CFAP46: variants seen among roughly 807,000 people sequenced by gnomAD.
CFAP46 encodes the protein cilia and flagella associated protein 46, also known as cilia- and flagella-associated protein 46.
Under a neutral mutation model 325.7 loss-of-function variants are expected in CFAP46, and 245 were observed. The observed-to-expected ratio is 0.75, with a 90% CI of 0.68 to 0.84. CFAP46 has a LOEUF of 0.84. Among genes scored for constraint, CFAP46 ranks in the 40% least tolerant of loss-of-function variants. The pLI, the probability that CFAP46 is intolerant of heterozygous loss-of-function variation, is 0.00. For synonymous variants in CFAP46, 1,523 were observed against 1,495.9 expected, an observed-to-expected ratio of 1.02 and a Z score of -0.42; for missense variants, 3,346 against 3,543.0, an observed-to-expected ratio of 0.94 and a Z score of 1.41.
At chr10:132,810,905 T>G in intron 56 of CFAP46, 45 bp downstream of exon 56, 1 of 1,531,858 alleles carries the variant, frequency 6.5e-7, no homozygotes, top group South Asian at 1.2e-5. Context: ...GTCTGACCTC[T>G]CCATCCTCAG....
At chr10:132,929,510 G>A (rs1849859159) in intron 9 of CFAP46, 195 bp downstream of exon 9, 1 of 782,046 alleles carries the variant, frequency 1.3e-6, no homozygotes. Flanking sequence ...AGAGAAACGG[G>A]CAGGTGTAAA....
In CFAP46 at chr10:132,877,982, T is replaced by C; in HGVS notation, c.4111A>G (p.Lys1371Glu). ...PKKEKENERS[K>E]EKEKERSKEK... is the part of the protein sequence containing the mutation. The stretch of plus-strand genomic sequence containing the variant: ...TTACTCCTCTCCTTCTCCTTCTCTT[T>C]ACTCCTCTCATTCTCCTTCTCTTTT... The change falls in exon 30 of 58, where the codon AAA becomes GAA. Residue 1371 changes from lysine (K) to glutamate (E), a missense_variant. Physicochemically the swap from Lys to Glu is moderately conservative, Grantham distance 56. Transcript: ENST00000368586. The surrounding 1 kb of genome is among the most constrained non-coding windows in gnomAD (Gnocchi z 5.7). The C allele has an allele frequency of 6.4e-7, 1 of 1,550,654 alleles. No homozygotes were observed. Among genetic ancestry groups the C allele is most frequent in the Non-Finnish European group, 8.7e-7 (1 of 1,147,010 alleles).
intron 29 of CFAP46, among the ~76,000 whole-genome samples, 170 bp from the exon 30 acceptor site, chr10:132,878,257 C>T (rs1453009487): frequency 1.3e-5 from 2 of 152,210 alleles, no homozygotes; most frequent in East Asian, 1.9e-4. Flanking sequence ...CCCTAGAGCA[C>T]GGAGCTGGGC....
intron 50 of CFAP46, among the ~76,000 whole-genome samples, chr10:132,823,767 C>T (rs568042359): frequency 0.01 from 522 of 50,696 alleles, no homozygotes; most frequent in African/African-American, 0.059. Context: ...TGTGTGTGTG[C>T]TGTGTGCTGT....
At chr10:132,880,795 C>T (rs923004894) in intron 28 of CFAP46, 66 bp downstream of exon 28, 16 of 1,504,028 alleles carry the variant, frequency 1.1e-5, no homozygotes, top group East Asian at 7.4e-5. Context: ...GTCCAGATCA[C>T]GGAGCAGGAA....
At chr10:132,856,484 T>C in intron 39 of CFAP46, among the ~76,000 whole-genome samples, 1 of 152,360 alleles carries the variant, frequency 6.6e-6, no homozygotes, top group East Asian at 1.9e-4. Context: ...CACTTAAAAC[T>C]GTGTGACTTT....
At chr10:132,882,853 T>C (rs995903045) in intron 27 of CFAP46, among the ~76,000 whole-genome samples, 2 of 152,062 alleles carry the variant, frequency 1.3e-5, no homozygotes, top group South Asian at 4.2e-4. Flanking sequence ...CCACAAAAGC[T>C]GTGTACGCGG....
chr10:132,850,981 G>A, intron 40 of CFAP46, 136 bp downstream of exon 40: 2 of 968,546 alleles, frequency 2.1e-6, no homozygotes, highest in East Asian at 5.1e-5. Context: ...AGCTCCCCCT[G>A]CTGCAAGAGG....
intron 26 of CFAP46, among the ~76,000 whole-genome samples, 168 bp from the exon 27 acceptor site, chr10:132,885,454 C>A (rs907757947): frequency 6.6e-6 from 1 of 151,094 alleles, no homozygotes; most frequent in Non-Finnish European, 1.5e-5. Context: ...CGGGGGTGAG[C>A]GGGGGCCTCG....
chr10:132,864,663 G>C (rs1228079998), intron 35 of CFAP46, among the ~76,000 whole-genome samples: 1 of 139,986 alleles, frequency 7.1e-6, no homozygotes, highest in African/African-American at 2.7e-5. Context: ...GCACACACCT[G>C]TCCCCAGTGC....
chr10:132,939,664 G>A lies in CFAP46; in HGVS notation c.372-911C>T, dbSNP rs527680390. Reference sequence around the variant, plus strand: ...GTTTCCAGGTTTTCAGGAGAGGAGCGGAGGTGCGGGGTGTCCTGACCAGAC... The same window carrying A: ...GTTTCCAGGTTTTCAGGAGAGGAGCAGAGGTGCGGGGTGTCCTGACCAGAC... On this transcript the variant is annotated intron_variant, in intron 4 of 57. Transcript: ENST00000368586. The surrounding 1 kb of genome is among the most constrained non-coding windows in gnomAD (Gnocchi z 4.6). 1.6e-4 allele frequency among the ~76,000 whole-genome samples: 24 copies of A among 152,266 alleles called. No homozygotes were observed. The highest frequency in any genetic ancestry group is 2.1e-4 in the South Asian group (1 of 4,814).
In CFAP46 at chr10:132,884,139, T is replaced by C. The variant is rs1165337228; in HGVS notation, c.3627+964A>G. 6.6e-6 allele frequency among the ~76,000 whole-genome samples: 1 copy of C among 152,180 alleles called. No individual in the cohort carries two copies. Among genetic ancestry groups the C allele is most frequent in the African/African-American group, 2.4e-5 (1 of 41,456 alleles). The stretch of plus-strand genomic sequence containing the variant: ...CCCGCAGCCTCCCCTCCTCAGGCCC[T>C]TCCTGCTTTCCCTGGAGGCAGCCAG... On this transcript the variant is annotated intron_variant, in intron 27 of 57. Transcript: ENST00000368586. This position sits in a 1 kb window ranked among gnomAD's most constrained non-coding sequence, Gnocchi z 5.4.
chr10:132,872,525 T>G, intron 32 of CFAP46, 151 bp downstream of exon 32: 5 of 1,002,628 alleles, frequency 5.0e-6, no homozygotes, highest in Non-Finnish European at 7.5e-6. Context: ...AAAAATACCA[T>G]TTTCATATTC....
chr10:132,859,606 G>C (rs966012184), intron 37 of CFAP46, among the ~76,000 whole-genome samples: 2 of 152,136 alleles, frequency 1.3e-5, no homozygotes, highest in Non-Finnish European at 2.9e-5. Flanking sequence ...CGCTGCAGCT[G>C]GGGGGCCCAG....
At position 132,929,784 on chromosome 10, in the gene CFAP46, A is replaced by C. The variant is rs773875297; in HGVS notation, c.887T>G (p.Leu296Trp). The change falls in exon 9 of 58, where the codon TTG (leucine) becomes TGG (tryptophan). Residue 296 changes from leucine to tryptophan, a missense_variant. Coordinates refer to ENST00000368586, the MANE Select transcript of CFAP46 (RefSeq NM_001200049.3). ...SEEKMLLLFE[L>W]ARFSLTLKCM... is the part of the protein sequence containing the mutation. ...TTTCAAGGTCAAGGAAAAACGCGCCAATTCAAAAAGCAAAAGCATTCTGCA... is the reference window on the plus strand; with the variant it reads ...TTTCAAGGTCAAGGAAAAACGCGCCCATTCAAAAAGCAAAAGCATTCTGCA... 6.2e-7 allele frequency: 1 copy of C among 1,609,340 alleles called. No homozygotes were observed. The highest frequency in any genetic ancestry group is 8.5e-7 in the Non-Finnish European group (1 of 1,176,386).
At chr10:132,927,519 G>A (rs2135661773) in intron 9 of CFAP46, among the ~76,000 whole-genome samples, 1 of 152,354 alleles carries the variant, frequency 6.6e-6, no homozygotes, top group South Asian at 2.1e-4. Context: ...TGCCGGCCAG[G>A]ATGGAGAGCG....
At chr10:132,850,581 C>T (rs2135137236) in intron 40 of CFAP46, 149 bp from the exon 41 acceptor site, 3 of 740,010 alleles carry the variant, frequency 4.1e-6, no homozygotes, top group Non-Finnish European at 6.4e-6. Flanking sequence ...GGAGGGTCTC[C>T]AGGGCTCTGG....
At position 132,871,267 on chromosome 10, in the gene CFAP46, C is replaced by T. The variant is rs140022794; in HGVS notation, c.4511+1409G>A. On this transcript the variant is annotated intron_variant, in intron 32 of 57. Transcript: ENST00000368586. The stretch of plus-strand genomic sequence containing the variant: ...GTGCTCACGGAGACATACAAGGAGA[C>T]GAATGCCTTCTCCGTGCCTGCTAAC... Among the ~76,000 whole-genome samples the T allele has an allele frequency of 9.9e-3, 1,501 of 152,360 alleles. 15 individuals are homozygous for T. Among genetic ancestry groups the T allele is most frequent in the South Asian group, 0.044 (210 of 4,824 alleles).
chr10:132,818,746 G>A (rs1045092682), intron 50 of CFAP46, among the ~76,000 whole-genome samples: 8 of 151,794 alleles, frequency 5.3e-5, no homozygotes, highest in Non-Finnish European at 1.0e-4. Context: ...CCAGCTACTC[G>A]AGAGGCTGAG....
Sources: allele counts gnomAD v4.1 joint callset (sites outside exome capture counted in the v4.1 genomes callset), GRCh38; gene constraint gnomAD v4.1.1; non-coding constraint Gnocchi (gnomAD v3.1); transcripts MANE v1.5; gene names NCBI Gene and HGNC (gene_info 2026-07-23, HGNC 2026-07-21).